Variants in SCAF4 observed in about 807,000 individuals in gnomAD.
SCAF4 encodes the protein SR-related and CTD-associated factor 4.
Under a neutral mutation model 129.8 loss-of-function variants are expected in SCAF4, and 25 were observed. The ratio of observed to expected loss-of-function variants is 0.19; its 90% CI spans 0.14 to 0.27. The LOEUF (loss-of-function observed/expected upper bound fraction) is 0.27. SCAF4 is among the 10% of genes least tolerant of loss of function. The pLI is 1.00. For missense variants in SCAF4, 1,246 were observed against 1,457.1 expected (o/e 0.86, Z 2.36); for synonymous variants, 551 against 497.7 (o/e 1.11, Z -1.43).
chr21:31,729,686 T>A (rs13052593), intron 1 of SCAF4, among the ~76,000 whole-genome samples: 5 of 152,082 alleles, frequency 3.3e-5, no homozygotes, highest in African/African-American at 4.8e-5. Context: ...GAGTTTTAAT[T>A]TAGCAGAAGA....
intron 15 of SCAF4, 43 bp from the exon 16 acceptor site, chr21:31,688,507 G>A (rs1278097707): frequency 6.6e-7 from 1 of 1,510,254 alleles, no homozygotes; most frequent in Non-Finnish European, 9.1e-7. Flanking sequence ...ACCATTTTCA[G>A]TTTGTAACTT....
intron 14 of SCAF4, 91 bp downstream of exon 14, chr21:31,691,726 T>C (rs1192281997): frequency 4.1e-6 from 2 of 488,824 alleles, no homozygotes; most frequent in Non-Finnish European, 7.1e-6. Context: ...TGAAAGTCAT[T>C]TCGAAGACCC....
At chr21:31,684,958 TG>T (rs1236637140) in intron 19 of SCAF4, 90 bp downstream of exon 19, 12 of 632,894 alleles carry the variant, frequency 1.9e-5, no homozygotes, top group African/African-American at 9.9e-5. Context: ...AAATTAACAT[TG>T]TTTTTTTAAA....
chr21:31,702,789 C>T (rs2050565924), intron 4 of SCAF4, among the ~76,000 whole-genome samples: 1 of 151,990 alleles, frequency 6.6e-6, no homozygotes, highest in South Asian at 2.1e-4. Context: ...ATTATGTGGC[C>T]AAGCAAATAT....
intron 1 of SCAF4, among the ~76,000 whole-genome samples, chr21:31,730,158 G>A (rs2051313242): frequency 6.6e-6 from 1 of 152,180 alleles, no homozygotes; most frequent in African/African-American, 2.4e-5. Context: ...GAGAAGCGGG[G>A]AAAAGAACTG....
rs1555851530 is a variant in SCAF4 at position 31,709,361 on chromosome 21, A to AAAG, written c.31-3005_31-3004insCTT. Among the ~76,000 whole-genome samples the AAAG allele has an allele frequency of 6.4e-3, 970 of 151,398 alleles. 33 individuals are homozygous for AAAG. The highest frequency in any genetic ancestry group is 0.053 in the Admixed American group (807 of 15,110). ...GGTACTGAAACTGTCAAAAAAAAAAAAAAGAAAGAAAGAAAGAAAGAAATG... is the reference window on the plus strand; with the variant it reads ...GGTACTGAAACTGTCAAAAAAAAAAAAAGAAAGAAAGAAAGAAAGAAAGAAATG... On this transcript the variant is annotated intron_variant, in intron 1 of 19. Transcript: ENST00000286835.
At chr21:31,701,539 A>G (rs1348855394) in intron 6 of SCAF4, among the ~76,000 whole-genome samples, 1 of 152,224 alleles carries the variant, frequency 6.6e-6, no homozygotes, top group African/African-American at 2.4e-5. Context: ...TGAGCCACTT[A>G]GTAGTTCTAA....
At chr21:31,684,108 T>A (rs2050059013) in intron 19 of SCAF4, 1 of 153,594 alleles carries the variant, frequency 6.5e-6, no homozygotes, top group South Asian at 2.1e-4. Flanking sequence ...CAAACCAATG[T>A]CTCACAGTCC....
At position 31,708,574 on chromosome 21, in the gene SCAF4, C is replaced by T. The variant is rs185955969; in HGVS notation, c.31-2217G>A. 2.7e-3 allele frequency among the ~76,000 whole-genome samples: 415 copies of T among 152,138 alleles called. 1 individual carries two copies. Among genetic ancestry groups the T allele is most frequent in the African/African-American group, 9.3e-3 (386 of 41,506 alleles). On this transcript the variant is annotated intron_variant, in intron 1 of 19. Coordinates refer to ENST00000286835, the MANE Select transcript of SCAF4 (RefSeq NM_020706.2). ...GTTATAAAATCTATTAAGACAGTTGCTTATTATTGTTCTATTTTCTATACC... is the reference window on the plus strand; with the variant it reads ...GTTATAAAATCTATTAAGACAGTTGTTTATTATTGTTCTATTTTCTATACC...
chr21:31,720,581 G>A (rs984064698), intron 1 of SCAF4, among the ~76,000 whole-genome samples: 2 of 152,160 alleles, frequency 1.3e-5, no homozygotes, highest in Admixed American at 1.3e-4. Flanking sequence ...ACTCAGATGG[G>A]CTCTTCAAAG....
chr21:31,702,627 T>G (rs2123588438), intron 4 of SCAF4, among the ~76,000 whole-genome samples: 1 of 152,302 alleles, frequency 6.6e-6, no homozygotes, highest in African/African-American at 2.4e-5. Flanking sequence ...AATTTATTAT[T>G]TGACATTTTC....
chr21:31,696,073 G>C (rs564809139), intron 9 of SCAF4, 40 bp downstream of exon 9: 2 of 1,431,980 alleles, frequency 1.4e-6, no homozygotes, highest in East Asian at 4.6e-5. Context: ...GCTCTATAAT[G>C]AATAGATCTT....
Position 31,701,028 on chromosome 21 carries a change from G to A in SCAF4, c.744C>T (p.Phe248=). The change falls in exon 7 of 20, where the codon TTC becomes TTT. Residue 248 remains phenylalanine, a synonymous_variant. Coordinates refer to ENST00000286835, the MANE Select transcript of SCAF4 (RefSeq NM_020706.2). The stretch of plus-strand genomic sequence containing the variant: ...ATGCAGTTTTCTGTTCAGGTGGGGG[G>A]AAAGCAGCTTTTTGTTCAGATGGTT... ...PTQPSEQKAA[F]PPPEQKTAFD... 1 of 1,614,086 alleles carries A rather than the reference G, an allele frequency of 6.2e-7. No homozygotes were observed. The highest frequency in any genetic ancestry group is 1.1e-5 in the South Asian group (1 of 91,088).
intron 16 of SCAF4, among the ~76,000 whole-genome samples, chr21:31,686,554 G>A (rs1355338352): frequency 2.0e-5 from 3 of 151,892 alleles, no homozygotes; most frequent in Non-Finnish European, 4.4e-5. Context: ...TACATACTAA[G>A]TGCTGGTGCC....
chr21:31,716,828 G>T (rs536629405), intron 1 of SCAF4, among the ~76,000 whole-genome samples: 2 of 152,048 alleles, frequency 1.3e-5, no homozygotes, highest in South Asian at 4.1e-4. Flanking sequence ...ATAATGGGGC[G>T]AGGAAAGAAA....
chr21:31,695,539 G>A (rs2123551157), intron 9 of SCAF4, among the ~76,000 whole-genome samples: 1 of 152,238 alleles, frequency 6.6e-6, no homozygotes, highest in South Asian at 2.1e-4. Context: ...AATGCTTTAA[G>A]TATTCTTTCT....
At chr21:31,674,578 T>A (rs369025940) in intron 19 of SCAF4, among the ~76,000 whole-genome samples, 9 of 152,320 alleles carry the variant, frequency 5.9e-5, no homozygotes, top group African/African-American at 2.2e-4. Context: ...GAACATGTAA[T>A]GCTTTTATAA....
At chr21:31,685,514 G>T in intron 17 of SCAF4, 30 bp from the exon 18 acceptor site, 14 of 1,612,808 alleles carry the variant, frequency 8.7e-6, no homozygotes, top group Non-Finnish European at 1.2e-5. Context: ...GTCAACTTAT[G>T]CTGTATCACT....
At chr21:31,690,443 T>C (rs761056152) in intron 15 of SCAF4, among the ~76,000 whole-genome samples, 5 of 151,888 alleles carry the variant, frequency 3.3e-5, no homozygotes, top group Non-Finnish European at 7.4e-5. Context: ...CAAGATTGCA[T>C]CACTACACTC....
Sources: gnomAD v4.1 joint callset for allele counts (sites outside exome capture counted in the v4.1 genomes callset) on GRCh38, gnomAD v4.1.1 for gene constraint, MANE v1.5 for transcripts, NCBI Gene and HGNC (gene_info 2026-07-23, HGNC 2026-07-21) for gene names.